Variants in FAT1 observed in about 807,000 individuals in gnomAD.
The protein encoded by FAT1 is FAT atypical cadherin 1, also known as protocadherin Fat 1.
FAT1 carries 171 observed loss-of-function variants against 329.8 expected under a neutral mutation model. The observed-to-expected ratio is 0.52, with a 90% CI of 0.46 to 0.59. The LOEUF (loss-of-function observed/expected upper bound fraction) is 0.59. Ranked by LOEUF, FAT1 falls within the 20% of genes least tolerant of loss-of-function variation. The pLI is 0.00. For synonymous variants in FAT1, 2,233 were observed against 2,228.6 expected (o/e 1.00, Z -0.06); for missense variants, 5,672 against 5,774.4 (o/e 0.98, Z 0.57).
intron 2 of FAT1, among the ~76,000 whole-genome samples, chr4:186,664,998 T>G (rs1163645384): frequency 6.6e-6 from 1 of 152,226 alleles, no homozygotes; most frequent in Non-Finnish European, 1.5e-5. Flanking sequence ...GAGGTTAATA[T>G]CAGAAAAACT....
chr4:186,691,288 G>A (rs1162317389), intron 2 of FAT1, among the ~76,000 whole-genome samples: 1 of 152,166 alleles, frequency 6.6e-6, no homozygotes, highest in Non-Finnish European at 1.5e-5. Context: ...GGTGCCTCTA[G>A]TGCAGATTCA....
Position 186,707,582 on chromosome 4 carries a change from T to C in FAT1, c.2246A>G (p.Asn749Ser), listed in dbSNP as rs369161430. Residue 749 changes from asparagine to serine, a missense_variant, in exon 2 of 27, where the codon AAT becomes AGT. Physicochemically the swap from Asn to Ser is conservative, Grantham distance 46. This residue lies in a region of FAT1 where 3,966 missense variants were observed against 3,915.2 expected (regional missense o/e 1.01). Transcript: ENST00000441802. ...AGAAACAGCATAGACCAGTTTTCCA[T>C]TGAAGCCAGTGTCAAGGTCAGTGGA... Reference protein sequence around the residue: ...MNSTDLDTGFNGKLVYAVSGG... With the variant: ...MNSTDLDTGFSGKLVYAVSGG... 78 of 1,613,926 alleles carry C rather than the reference T, an allele frequency of 4.8e-5. No homozygotes were observed. Among genetic ancestry groups the C allele is most frequent in the Admixed American group, 8.3e-5 (5 of 60,008 alleles).
chr4:186,673,473 C>G (rs1163466196), intron 2 of FAT1, among the ~76,000 whole-genome samples: 1 of 152,140 alleles, frequency 6.6e-6, no homozygotes, highest in Non-Finnish European at 1.5e-5. Context: ...ATGTAGGTAA[C>G]TACTTACACA....
chr4:186,618,560 C>G lies in FAT1; in HGVS notation c.8026G>C (p.Val2676Leu), dbSNP rs557631884. The change falls in exon 10 of 27, where the codon GTG (valine) becomes CTG (leucine). Residue 2676 changes from valine (V) to leucine (L), a missense_variant. By Grantham distance (32) the Val-to-Leu change is conservative (BLOSUM62 1). Coordinates refer to ENST00000441802, the MANE Select transcript of FAT1 (RefSeq NM_005245.4). ...TCTTTTGATGGAGACCCATTATCCA[C>G]AGCTCTAACAAAGAAAGTGAAGAAT... ...NEFFTFFVRA[V>L]DNGSPSKESV... The G allele has an allele frequency of 9.3e-6, 15 of 1,614,064 alleles. No homozygotes were observed. The highest frequency in any genetic ancestry group is 1.6e-4 in the Middle Eastern group (1 of 6,062).
rs201470635 is a variant in FAT1, at chr4:186,613,191, G to A, written c.9381C>T (p.Ala3127=). The A allele has an allele frequency of 1.8e-5, 29 of 1,613,706 alleles. No homozygotes were observed. Among genetic ancestry groups the A allele is most frequent in the Non-Finnish European group, 2.3e-5 (27 of 1,179,848 alleles). Reference sequence around the variant, plus strand: ...CAAACACGGTGATGGCATAAGGATCGGCAGAGAATTCGGGGGCGTTATCGT... The same window carrying A: ...CAAACACGGTGATGGCATAAGGATCAGCAGAGAATTCGGGGGCGTTATCGT... ...DVNDNAPEFS[A]DPYAITVFEN... The change falls in exon 13 of 27, where the codon GCC becomes GCT. Residue 3127 remains alanine (A), a synonymous_variant. Transcript: ENST00000441802.
At chr4:186,607,450 AG>A (rs1170867690) in intron 16 of FAT1, among the ~76,000 whole-genome samples, 1 of 109,714 alleles carries the variant, frequency 9.1e-6, no homozygotes, top group Non-Finnish European at 1.7e-5. Context: ...TGAATGGGTA[AG>A]TGGATACATG....
rs988167779 is a variant in FAT1 at position 186,597,381 on chromosome 4, G to A, written c.12369-210C>T. On this transcript the variant is annotated intron_variant, in intron 24 of 26. Coordinates refer to ENST00000441802, the MANE Select transcript of FAT1 (RefSeq NM_005245.4). ...AATCATGTGATCGCATGCTTTTGAT[G>A]TATATTTGGGAAGGAAACATATCAA... The A allele has an allele frequency of 1.6e-4, 96 of 603,078 alleles. No homozygotes were observed. The African/African-American group carries it at 1.6e-3, about 10-fold the overall frequency. The allele number at this position is 603,078 out of a possible 1,614,324, so 37.4% of individuals were successfully genotyped here. A position where few individuals can be genotyped will look rare whatever the true frequency, so the allele number is the denominator to read the frequency against.
rs562539336 is a variant in FAT1, at chr4:186,644,649, G to T, written c.3581-4866C>A. 1.1e-4 allele frequency among the ~76,000 whole-genome samples: 17 copies of T among 148,696 alleles called. No homozygotes were observed. The South Asian group carries it at 3.0e-3, about 26-fold the overall frequency. ...AGACATTTAGAGATGAGTTCATTTA[G>T]AACAGAGAGAATGTCAGATCAGCTA... On this transcript the variant is annotated intron_variant, in intron 3 of 26. Coordinates refer to ENST00000441802, the MANE Select transcript of FAT1 (RefSeq NM_005245.4).
intron 1 of FAT1, among the ~76,000 whole-genome samples, chr4:186,711,291 C>A (rs898850126): frequency 6.6e-6 from 1 of 152,168 alleles, no homozygotes; most frequent in African/African-American, 2.4e-5. Context: ...AAGTTGGCCA[C>A]CCTAACTTGT....
chr4:186,618,668 C>CA lies in FAT1; in HGVS notation c.7917dup (p.Glu2640Ter). 1 of 1,614,040 alleles carries CA rather than the reference C, an allele frequency of 6.2e-7. No homozygotes were observed. The highest frequency in any genetic ancestry group is 8.5e-7 in the Non-Finnish European group (1 of 1,179,902). On this transcript the variant is annotated frameshift_variant, in exon 10 of 27. Transcript: ENST00000441802. LOFTEE classifies it high-confidence loss of function. ...ATTTCCAAATTCTCTTTTACACTTT[C>CA]AGAGTCTGCTTCAATGGCATAGGTG...
chr4:186,689,915 C>T (rs1743672621), intron 2 of FAT1, among the ~76,000 whole-genome samples: 1 of 152,210 alleles, frequency 6.6e-6, no homozygotes, highest in African/African-American at 2.4e-5. Context: ...ACCGCACTCA[C>T]AAGCCCATTA....
At position 186,588,555 on chromosome 4, in the gene FAT1, G is replaced by A. The variant is rs2126345799; in HGVS notation, c.*37C>T. 3 of 1,582,942 alleles carry A rather than the reference G, an allele frequency of 1.9e-6. No individual in the cohort carries two copies. Among genetic ancestry groups the A allele is most frequent in the South Asian group, 2.4e-5 (2 of 84,762 alleles). ...CGCGGATTACTCACATCACCTCTAGGTTCACTAAAGTCAGGCACTTTGGGG... is the reference window on the plus strand; with the variant it reads ...CGCGGATTACTCACATCACCTCTAGATTCACTAAAGTCAGGCACTTTGGGG... On this transcript the variant is annotated 3_prime_UTR_variant, in exon 27 of 27. Transcript: ENST00000441802.
upstream of FAT1, among the ~76,000 whole-genome samples, chr4:186,725,085 C>G (rs1745673952): frequency 6.6e-6 from 1 of 152,096 alleles, no homozygotes; most frequent in African/African-American, 2.4e-5. This position sits in a 1 kb window ranked among gnomAD's most constrained non-coding sequence, Gnocchi z 5.4. Flanking sequence ...TATTCCCTGC[C>G]CACCAGTTGG....
chr4:186,653,176 CTGTT>C (rs1741748984), intron 3 of FAT1, among the ~76,000 whole-genome samples: 1 of 152,274 alleles, frequency 6.6e-6, no homozygotes, highest in East Asian at 1.9e-4. Flanking sequence ...TTAGAGCCAA[CTGTT>C]TGAGCTGAAA....
At chr4:186,598,431 C>G (rs1738641536) in intron 22 of FAT1, 4 of 236,058 alleles carry the variant, frequency 1.7e-5, no homozygotes, top group Non-Finnish European at 3.2e-5. Context: ...GTAGACAGCA[C>G]CACTTAACAT....
chr4:186,709,909 G>GT, intron 1 of FAT1, 64 bp from the exon 2 acceptor site: 1 of 1,369,162 alleles, frequency 7.3e-7, no homozygotes, highest in Admixed American at 2.7e-5. Flanking sequence ...TGTGTACATT[G>GT]TTTTAAACTT....
In FAT1 at chr4:186,663,380, C is replaced by A. The variant is rs756469933; in HGVS notation, c.3499G>T (p.Asp1167Tyr). 1 of 1,613,992 alleles carries A rather than the reference C, an allele frequency of 6.2e-7. No homozygotes were observed. Among genetic ancestry groups the A allele is most frequent in the Non-Finnish European group, 8.5e-7 (1 of 1,179,884 alleles). ...SVVQIEAFDP[D>Y]SSSNDKLMYK... ...ATGAGCTTGTCATTAGAGCTCGAATCTGGATCAAATGCCTCGATCTGGACC... is the reference window on the plus strand; with the variant it reads ...ATGAGCTTGTCATTAGAGCTCGAATATGGATCAAATGCCTCGATCTGGACC... Residue 1167 changes from aspartate to tyrosine, a missense_variant, in exon 3 of 27, where the codon GAT becomes TAT. Asp to Tyr is a radical substitution (Grantham distance 160). Transcript: ENST00000441802.
intron 26 of FAT1, chr4:186,592,573 G>C (rs1409432952): frequency 2.4e-6 from 1 of 409,186 alleles, no homozygotes. Flanking sequence ...AAAATAAAAG[G>C]ACTCAACCCC....
chr4:186,706,415 G>C lies in FAT1; in HGVS notation c.3265+148C>G, dbSNP rs138216827. The C allele has an allele frequency of 7.5e-4, 592 of 789,562 alleles. 7 individuals are homozygous for C. Among genetic ancestry groups the C allele is most frequent in the Middle Eastern group, 5.4e-3 (17 of 3,144 alleles). 48.9% of individuals were successfully genotyped at this position (789,562 alleles called of 1,614,324 possible). A position where few individuals can be genotyped will look rare whatever the true frequency, so the allele number is the denominator to read the frequency against. On this transcript the variant is annotated intron_variant, in intron 2 of 26. Transcript: ENST00000441802. ...GAATAAACACATCTACAATACAGCA[G>C]CCGGGCCAAAAAAAATATTCACACG...
Sources: allele counts gnomAD v4.1 joint callset (sites outside exome capture counted in the v4.1 genomes callset), GRCh38; gene constraint gnomAD v4.1.1; regional missense constraint gnomAD v4.1.1; non-coding constraint Gnocchi (gnomAD v3.1); transcripts MANE v1.5; gene names NCBI Gene and HGNC (gene_info 2026-07-23, HGNC 2026-07-21).